Variants in BBOF1 observed in about 807,000 individuals in gnomAD.
BBOF1 encodes the protein basal body orientation factor 1, also known as basal body-orientation factor 1.
BBOF1 carries 62 observed loss-of-function variants against 68.0 expected under a neutral mutation model. That is an observed-to-expected ratio of 0.91 (90% CI 0.74 to 1.13). The LOEUF (loss-of-function observed/expected upper bound fraction) is 1.13. Ranked by LOEUF, BBOF1 falls within the 50% of genes most tolerant of loss-of-function variation. The probability of loss-of-function intolerance (pLI) is 0.00; values close to 1 mark genes in which losing one functional copy is unlikely to be tolerated. For synonymous variants in BBOF1, 208 were observed against 198.8 expected (o/e 1.05, Z -0.39); for missense variants, 534 against 600.1 (o/e 0.89, Z 1.15).
At position 74,078,306 on chromosome 14, in the gene BBOF1, G is replaced by A. The variant is rs115709806; in HGVS notation, n.1490G>A. 9.9e-3 allele frequency: 4,520 copies of A among 454,924 alleles called. 61 individuals carry two copies. Among genetic ancestry groups the A allele is most frequent in the Middle Eastern group, 0.035 (106 of 3,066 alleles). 28.2% of individuals were successfully genotyped at this position (454,924 alleles called of 1,614,324 possible). ...CCAGCAAGCTCCATGCAGGAAAAGT[G>A]ACCGAGACAGTGGTGCACGATCAAT... is the stretch of plus-strand genomic sequence containing the variant. On this transcript the variant is annotated non_coding_transcript_exon_variant, in exon 10 of 13. Coordinates refer to the BBOF1 transcript ENST00000492026.
chr14:74,029,748 TA>T (rs1330571624), intron 3 of BBOF1, among the ~76,000 whole-genome samples: 1 of 151,866 alleles, frequency 6.6e-6, no homozygotes, highest in Non-Finnish European at 1.5e-5. Flanking sequence ...AACCATATAA[TA>T]TTAAGATTGC....
At chr14:74,061,757 C>A (rs1288703800) in intron 11 of BBOF1, among the ~76,000 whole-genome samples, 1 of 151,896 alleles carries the variant, frequency 6.6e-6, no homozygotes, top group African/African-American at 2.4e-5. Flanking sequence ...CATGTGAGCC[C>A]AAAAATTCAG....
chr14:74,028,467 T>TACACACACACACACACACAC (rs34677110), intron 2 of BBOF1, among the ~76,000 whole-genome samples: 1 of 138,202 alleles, frequency 7.2e-6, no homozygotes, highest in African/African-American at 2.7e-5. Context: ...ACTAAAGAAA[T>TACACACACACACACACACAC]ACACACACAC....
In BBOF1 at chr14:74,065,026, C is replaced by A; in HGVS notation, c.*327C>A. 7.3e-7 allele frequency: 1 copy of A among 1,367,184 alleles called. No homozygotes were observed. The highest frequency in any genetic ancestry group is 1.0e-6 in the Non-Finnish European group (1 of 973,158). The allele number at this position is 1,367,184 out of a possible 1,614,324, so 84.7% of individuals were successfully genotyped here. ...TTTAAATACCCACCTTCTACCCTAT[C>A]CTCTACCCCATGAACTTTCATTCCT... On this transcript the variant is annotated 3_prime_UTR_variant, in exon 12 of 12. Transcript: ENST00000394009.
Position 74,065,445 on chromosome 14 carries a change from ACAT to A in BBOF1, c.*750_*752del. ...CTTATTTGGTACTTTCACTTACTAC[ACAT>A]CATTTACGTGGACAACTTTCATATT... On this transcript the variant is annotated 3_prime_UTR_variant, in exon 12 of 12. Transcript: ENST00000394009. 3 of 1,221,860 alleles carry A rather than the reference ACAT, an allele frequency of 2.5e-6. No homozygotes were observed. The East Asian group carries it at 7.3e-5, about 30-fold the overall frequency. 75.7% of individuals were successfully genotyped at this position (1,221,860 alleles called of 1,614,324 possible).
intron 1 of BBOF1, 59 bp downstream of exon 1, chr14:74,019,593 G>T: frequency 6.5e-7 from 1 of 1,547,144 alleles, no homozygotes; most frequent in South Asian, 1.2e-5. Flanking sequence ...TTTCGGGTCT[G>T]GGGCTGGCAA....
In BBOF1 at chr14:74,064,819, T is replaced by C; in HGVS notation, c.*120T>C. 1 of 1,613,962 alleles carries C rather than the reference T, an allele frequency of 6.2e-7. No homozygotes were observed. The highest frequency in any genetic ancestry group is 8.5e-7 in the Non-Finnish European group (1 of 1,179,808). On this transcript the variant is annotated 3_prime_UTR_variant, in exon 12 of 12. Transcript: ENST00000394009. ...AAGACAAAAAATTTAACTCAAAAGT[T>C]ACCTGTTTGCCATAGAAATTGGTGT...
intron 11 of BBOF1, chr14:74,058,239 A>C (rs2060263315): frequency 6.6e-6 from 1 of 152,342 alleles, no homozygotes; most frequent in African/African-American, 2.4e-5. Context: ...AGGCAGGAGA[A>C]TTACTTGAAC....
At chr14:74,057,325 A>G in intron 11 of BBOF1, 67 bp downstream of exon 11, 1 of 1,605,730 alleles carries the variant, frequency 6.2e-7, no homozygotes, top group Admixed American at 1.7e-5. Flanking sequence ...GCTTCTTGCT[A>G]AATCACGGTT....
chr14:74,065,233 G>T lies in BBOF1; in HGVS notation c.*534G>T. On this transcript the variant is annotated 3_prime_UTR_variant, in exon 12 of 12. Transcript: ENST00000394009. ...TTTCCGAGCAGTGGCTCCATTGGTGGTGAAGATGGCAGTTCCATTTCCATA... is the reference window on the plus strand; with the variant it reads ...TTTCCGAGCAGTGGCTCCATTGGTGTTGAAGATGGCAGTTCCATTTCCATA... 2.5e-6 allele frequency: 4 copies of T among 1,614,122 alleles called. No individual in the cohort carries two copies. Among genetic ancestry groups the T allele is most frequent in the Non-Finnish European group, 3.4e-6 (4 of 1,180,014 alleles).
intron 5 of BBOF1, among the ~76,000 whole-genome samples, chr14:74,042,863 T>TAC (rs1291772065): frequency 2.6e-4 from 31 of 120,596 alleles, no homozygotes; most frequent in Middle Eastern, 3.6e-3. Flanking sequence ...CTCTCTCTTA[T>TAC]ACACACACAC....
At chr14:74,025,848 C>G (rs2059411439) in intron 2 of BBOF1, among the ~76,000 whole-genome samples, 1 of 151,654 alleles carries the variant, frequency 6.6e-6, no homozygotes, top group Non-Finnish European at 1.5e-5. Flanking sequence ...TGAGGCTGGG[C>G]TGTTCATGGT....
chr14:74,063,386 T>A (rs1480262354), intron 11 of BBOF1, among the ~76,000 whole-genome samples: 1 of 151,696 alleles, frequency 6.6e-6, no homozygotes, highest in East Asian at 2.0e-4. Context: ...GGTTTTGCCA[T>A]GTTGGCCAGA....
chr14:74,080,082 A>G (rs1379416997), intron 10 of BBOF1, among the ~76,000 whole-genome samples: 4 of 152,184 alleles, frequency 2.6e-5, no homozygotes, highest in Non-Finnish European at 5.9e-5. Flanking sequence ...TAAACTCTGC[A>G]TCTTCCTTTT....
intron 12 of BBOF1, among the ~76,000 whole-genome samples, chr14:74,082,137 C>T (rs968300632): frequency 3.3e-5 from 5 of 152,048 alleles, no homozygotes; most frequent in African/African-American, 7.2e-5. Flanking sequence ...CGTGGGAGGT[C>T]GAGGCTGCTG....
intron 5 of BBOF1, among the ~76,000 whole-genome samples, chr14:74,042,957 A>G (rs7153587): frequency 0.41 from 61,675 of 151,562 alleles, 13,818 homozygotes; most frequent in East Asian, 0.82. Flanking sequence ...AGTGGAAGCT[A>G]GGGAGGAAAA....
At chr14:74,068,800 G>T, downstream of BBOF1, 1 of 1,593,968 alleles carries the variant, frequency 6.3e-7, no homozygotes. Flanking sequence ...CTGAAGGTCT[G>T]TTCCTAGGTA....
chr14:74,051,576 T>C (rs1041309233), intron 8 of BBOF1, among the ~76,000 whole-genome samples: 2 of 151,806 alleles, frequency 1.3e-5, no homozygotes, highest in South Asian at 4.1e-4. Flanking sequence ...GCCACTATGA[T>C]AAAGGTAACA....
intron 11 of BBOF1, chr14:74,057,946 T>A: frequency 1.1e-6 from 1 of 943,924 alleles, no homozygotes. Context: ...ATGTTAGGAA[T>A]CTCTGTGACT....
Sources: allele counts gnomAD v4.1 joint callset (sites outside exome capture counted in the v4.1 genomes callset), GRCh38; gene constraint gnomAD v4.1.1; transcripts MANE v1.5; gene names NCBI Gene and HGNC (gene_info 2026-07-23, HGNC 2026-07-21).